TET2: variants seen among roughly 807,000 people sequenced by gnomAD.
TET2 encodes methylcytosine dioxygenase TET2.
TET2 carries 299 observed loss-of-function variants against 142.9 expected under a neutral mutation model. The observed-to-expected ratio is 2.09, with a 90% CI of 1.90 to 2.30. TET2 has a LOEUF of 2.30. Ranked by LOEUF, TET2 falls within the 30% of genes most tolerant of loss-of-function variation. TET2 has a pLI of 0.00. For missense variants in TET2, 2,418 were observed against 2,378.0 expected (o/e 1.02, Z -0.35); for synonymous variants, 819 against 849.0 (o/e 0.96, Z 0.61).
chr4:105,146,437 G>A (rs1723019223), upstream of TET2: 1 of 152,422 alleles, frequency 6.6e-6, no homozygotes, highest in Admixed American at 6.5e-5. Flanking sequence ...CCTACTCCGC[G>A]CTGGTCCGGG....
intron 1 of TET2, among the ~76,000 whole-genome samples, chr4:105,180,249 CAG>C (rs1462120584): frequency 1.3e-5 from 2 of 152,172 alleles, no homozygotes; most frequent in African/African-American, 4.8e-5. Flanking sequence ...TCTCTAAATG[CAG>C]AGTCAGTGGC....
At chr4:105,174,977 A>G (rs1311594243) in intron 1 of TET2, among the ~76,000 whole-genome samples, 1 of 152,154 alleles carries the variant, frequency 6.6e-6, no homozygotes. Context: ...AACTCAAACC[A>G]TCCTGTCCAC....
chr4:105,205,859 C>T (rs182407196), intron 2 of TET2, among the ~76,000 whole-genome samples: 4 of 152,222 alleles, frequency 2.6e-5, no homozygotes, highest in Admixed American at 2.0e-4. Flanking sequence ...GTCTCAAACT[C>T]CCAACCTCAG....
At chr4:105,266,840 A>C (rs916266765) in intron 8 of TET2, among the ~76,000 whole-genome samples, 7 of 152,118 alleles carry the variant, frequency 4.6e-5, no homozygotes, top group Non-Finnish European at 5.9e-5. Flanking sequence ...ACAATGGCCA[A>C]ATTTTTTTCA....
intron 2 of TET2, among the ~76,000 whole-genome samples, chr4:105,212,297 T>C (rs1727217542): frequency 6.6e-6 from 1 of 152,228 alleles, no homozygotes; most frequent in South Asian, 2.1e-4. Context: ...GATTACTCAG[T>C]GTACCTTTCA....
Position 105,242,906 on chromosome 4 carries a change from G to GGGAT in TET2, c.3575_3578dup (p.Cys1193TrpfsTer6). ...CTGGTAAAGAAGGCAAAAGTTCTCA[G>GGGAT]GGATGTCCTATTGCTAAGTGGGTAA... is the stretch of plus-strand genomic sequence containing the variant. On this transcript the variant is annotated frameshift_variant, in exon 5 of 11. Transcript: ENST00000380013. LOFTEE classifies it high-confidence loss of function. The GGGAT allele has an allele frequency of 6.4e-7, 1 of 1,551,422 alleles. No homozygotes were observed. The highest frequency in any genetic ancestry group is 8.7e-7 in the Non-Finnish European group (1 of 1,146,860).
At chr4:105,228,756 T>C (rs182416231) in intron 2 of TET2, among the ~76,000 whole-genome samples, 53 of 152,268 alleles carry the variant, frequency 3.5e-4, no homozygotes, top group Admixed American at 2.4e-3. Flanking sequence ...TAATTGACTT[T>C]CTTTCTGCAG....
chr4:105,200,053 A>G (rs1312804120), intron 2 of TET2, among the ~76,000 whole-genome samples: 1 of 152,060 alleles, frequency 6.6e-6, no homozygotes, highest in Non-Finnish European at 1.5e-5. Context: ...CCTTTGGTAT[A>G]TACCCAGTAG....
chr4:105,233,971 A>G lies in TET2; in HGVS notation c.29A>G (p.Glu10Gly). The G allele has an allele frequency of 6.2e-7, 1 of 1,614,022 alleles. No homozygotes were observed. The highest frequency in any genetic ancestry group is 8.5e-7 in the Non-Finnish European group (1 of 1,179,990). The change falls in exon 3 of 11, where the codon GAG becomes GGG. Residue 10 changes from glutamate (E) to glycine (G), a missense_variant. Transcript: ENST00000380013. ...GAACAGGATAGAACCAACCATGTTG[A>G]GGGCAACAGACTAAGTCCATTCCTG... MEQDRTNHV[E>G]GNRLSPFLIP...
Position 105,236,366 on chromosome 4 carries a change from A to AG in TET2, c.2425dup (p.Val809GlyfsTer7). 1 of 1,614,046 alleles carries AG rather than the reference A, an allele frequency of 6.2e-7. No homozygotes were observed. Among genetic ancestry groups the AG allele is most frequent in the Non-Finnish European group, 8.5e-7 (1 of 1,180,020 alleles). On this transcript the variant is annotated frameshift_variant, in exon 3 of 11. Coordinates refer to ENST00000380013, the MANE Select transcript of TET2 (RefSeq NM_001127208.3). LOFTEE classifies it high-confidence loss of function. Reference sequence around the variant, plus strand: ...ATAATGTCCAAATGGGACTGGAGGAAGTACAGAATATAAATCGTAGAAATT... The same window carrying AG: ...ATAATGTCCAAATGGGACTGGAGGAAGGTACAGAATATAAATCGTAGAAATT...
At chr4:105,192,692 C>A (rs1239736299) in intron 2 of TET2, among the ~76,000 whole-genome samples, 1 of 152,152 alleles carries the variant, frequency 6.6e-6, no homozygotes, top group Admixed American at 6.6e-5. Context: ...GAGTAAGAGG[C>A]AAAAATCTCT....
In TET2 at chr4:105,272,668, T is replaced by C. The variant is rs1284812523; in HGVS notation, c.4287T>C (p.Phe1429=). ...PLYKVSDVDE[F]GSVEAQEEKK... ...ACAAAGTCTCTGACGTGGATGAGTT[T>C]GGGAGTGTGGAAGCTCAGGAGGAGA... is the stretch of plus-strand genomic sequence containing the variant. The change falls in exon 10 of 11, where the codon TTT becomes TTC. Residue 1429 remains phenylalanine, a synonymous_variant. Transcript: ENST00000380013. 1 of 1,551,616 alleles carries C rather than the reference T, an allele frequency of 6.4e-7. No homozygotes were observed. Among genetic ancestry groups the C allele is most frequent in the Non-Finnish European group, 8.7e-7 (1 of 1,146,986 alleles).
chr4:105,233,863 A>T, intron 2 of TET2, 34 bp from the exon 3 acceptor site: 8 of 1,125,988 alleles, frequency 7.1e-6, no homozygotes, highest in African/African-American at 1.6e-5. Flanking sequence ...GATAGAAATA[A>T]ACACATTTTA....
intron 4 of TET2, chr4:105,241,647 C>T (rs1440721944): frequency 1.6e-6 from 2 of 1,281,374 alleles, no homozygotes; most frequent in Admixed American, 7.8e-5. Context: ...ACAGGCTGCC[C>T]ACTTTGCGAT....
Position 105,249,859 on chromosome 4 carries a change from G to A in TET2, c.3803+6081G>A, listed in dbSNP as rs190842803. ...ATTTTCTCCTATCCCACAGGTTGTC[G>A]CTTCACTTTGATAATGTCCTTAAAG... On this transcript the variant is annotated intron_variant, in intron 6 of 10. Transcript: ENST00000380013. Among the ~76,000 whole-genome samples, 30 of 152,204 alleles carry A rather than the reference G, an allele frequency of 2.0e-4. No homozygotes were observed. The East Asian group carries it at 4.2e-3, about 22-fold the overall frequency.
intron 6 of TET2, among the ~76,000 whole-genome samples, chr4:105,244,504 A>G (rs912505594): frequency 1.3e-5 from 2 of 149,578 alleles, no homozygotes; most frequent in Non-Finnish European, 3.0e-5. Context: ...AAAAAGCCTC[A>G]TTTTTAATAT....
At chr4:105,163,140 T>C (rs990647252) in intron 1 of TET2, among the ~76,000 whole-genome samples, 7 of 152,244 alleles carry the variant, frequency 4.6e-5, no homozygotes, top group Admixed American at 1.3e-4. Context: ...TAACAAATTA[T>C]CAGACTTTTT....
rs59695275 is a variant in TET2, at chr4:105,250,380, A to ATTTTTTTTTTTTTTT, written c.3803+6619_3803+6633dup. Among the ~76,000 whole-genome samples the ATTTTTTTTTTTTTTT allele has an allele frequency of 1.2e-4, 7 of 60,276 alleles. 1 individual carries two copies. Among genetic ancestry groups the ATTTTTTTTTTTTTTT allele is most frequent in the Non-Finnish European group, 1.7e-4 (6 of 35,780 alleles). The allele number at this position is 60,276 out of a possible 152,430, so 39.5% of individuals were successfully genotyped here. On this transcript the variant is annotated intron_variant, in intron 6 of 10. Transcript: ENST00000380013. ...ATCAGCTTCTCCGTTTCCTTTCTGG[A>ATTTTTTTTTTTTTTT]TTTTTTTTTTTTTTTTTTTTTTTTT...
chr4:105,257,945 T>C (rs2110281738), intron 6 of TET2, among the ~76,000 whole-genome samples: 1 of 152,262 alleles, frequency 6.6e-6, no homozygotes, highest in African/African-American at 2.4e-5. Flanking sequence ...GGTCAAATAA[T>C]GTAAGGTCTC....
Sources: gnomAD v4.1 joint callset for allele counts (sites outside exome capture counted in the v4.1 genomes callset) on GRCh38, gnomAD v4.1.1 for gene constraint, MANE v1.5 for transcripts, NCBI Gene and HGNC (gene_info 2026-07-23, HGNC 2026-07-21) for gene names.